VTI1A: variants seen among roughly 807,000 people sequenced by gnomAD.
VTI1A encodes the protein vesicle transport through interaction with t-SNAREs homolog 1A.
In VTI1A, 22 loss-of-function variants were observed where a neutral mutation model predicts 34.9. The observed-to-expected ratio is 0.63, with a 90% CI of 0.45 to 0.90. The LOEUF is 0.90. Ranked by LOEUF, VTI1A falls within the 40% of genes least tolerant of loss-of-function variation. The pLI, the probability that VTI1A is intolerant of heterozygous loss-of-function variation, is 0.00. For missense variants in VTI1A, 268 were observed against 275.6 expected, an observed-to-expected ratio of 0.97 and a Z score of 0.20; for synonymous variants, 87 against 97.3, an observed-to-expected ratio of 0.89 and a Z score of 0.62.
chr10:112,599,920 A>G (rs1844819356), intron 5 of VTI1A, among the ~76,000 whole-genome samples: 1 of 152,188 alleles, frequency 6.6e-6, no homozygotes, highest in Non-Finnish European at 1.5e-5. Context: ...ATAACGTTCC[A>G]ACTCCGGGCA....
intron 7 of VTI1A, among the ~76,000 whole-genome samples, chr10:112,676,985 G>C (rs1293309284): frequency 6.6e-6 from 1 of 152,142 alleles, no homozygotes; most frequent in Non-Finnish European, 1.5e-5. Flanking sequence ...TCTCAGTACA[G>C]CCATTGAATA....
At position 112,644,168 on chromosome 10, in the gene VTI1A, A is replaced by G. The variant is rs865930947; in HGVS notation, c.428-24050A>G. ...GTAGTTTGTTTTCATTGCATCTGCA[A>G]GAAACATATATATTAGAGTAGAATT... On this transcript the variant is annotated intron_variant, in intron 5 of 7. Transcript: ENST00000393077. 2.0e-5 allele frequency among the ~76,000 whole-genome samples: 3 copies of G among 152,360 alleles called. No homozygotes were observed. In the Middle Eastern group the frequency reaches 0.01, roughly 518 times the overall value.
At chr10:112,693,363 A>C (rs946710172) in intron 7 of VTI1A, among the ~76,000 whole-genome samples, 6 of 152,122 alleles carry the variant, frequency 3.9e-5, no homozygotes, top group Non-Finnish European at 8.8e-5. Context: ...CCTGGCCAGC[A>C]TGGTGAAACC....
the VTI1A span, among the ~76,000 whole-genome samples, chr10:112,852,352 G>A: frequency 6.6e-6 from 1 of 152,158 alleles, no homozygotes; most frequent in South Asian, 2.1e-4. Context: ...CGTTGAGAAA[G>A]CCACAGGCCC....
At chr10:112,809,282 C>A (rs1285161156) in intron 7 of VTI1A, among the ~76,000 whole-genome samples, 1 of 152,244 alleles carries the variant, frequency 6.6e-6, no homozygotes, top group Non-Finnish European at 1.5e-5. Flanking sequence ...GTTTCTCCTA[C>A]TCCTGTTTTC....
At chr10:112,754,516 G>A (rs564663957) in intron 7 of VTI1A, among the ~76,000 whole-genome samples, 1 of 152,202 alleles carries the variant, frequency 6.6e-6, no homozygotes, top group South Asian at 2.1e-4. Flanking sequence ...AAAAGTTCAC[G>A]ACACAGTAAT....
chr10:112,539,767 A>T (rs934091580), intron 5 of VTI1A, among the ~76,000 whole-genome samples: 4 of 152,192 alleles, frequency 2.6e-5, no homozygotes, highest in Non-Finnish European at 4.4e-5. Context: ...CTTAAGAAAA[A>T]ATGGTACATG....
chr10:112,803,426 C>G (rs1239543802), intron 7 of VTI1A, among the ~76,000 whole-genome samples: 2 of 152,180 alleles, frequency 1.3e-5, no homozygotes, highest in African/African-American at 4.8e-5. Flanking sequence ...GGTGGGGCCA[C>G]TGATGGATTT....
chr10:112,599,039 T>TTG (rs1356426462), intron 5 of VTI1A, among the ~76,000 whole-genome samples: 1 of 152,172 alleles, frequency 6.6e-6, no homozygotes, highest in Non-Finnish European at 1.5e-5. Context: ...CTCCAAAACA[T>TTG]ACCAGTCCGT....
chr10:112,501,478 CAAAAAGAAA>C (rs1261845536), intron 3 of VTI1A, among the ~76,000 whole-genome samples: 1 of 151,812 alleles, frequency 6.6e-6, no homozygotes, highest in Non-Finnish European at 1.5e-5. Flanking sequence ...AAAAAATGAA[CAAAAAGAAA>C]GAAATGAAAG....
chr10:112,561,520 C>G (rs1851725093), intron 5 of VTI1A, among the ~76,000 whole-genome samples: 2 of 152,138 alleles, frequency 1.3e-5, no homozygotes, highest in African/African-American at 4.8e-5. Context: ...AGTAAAATCT[C>G]TTTGGTTGCC....
intron 7 of VTI1A, among the ~76,000 whole-genome samples, chr10:112,709,752 G>A (rs1259110066): frequency 3.7e-5 from 5 of 136,016 alleles, no homozygotes; most frequent in African/African-American, 8.7e-5. Flanking sequence ...ATGCAGTGGC[G>A]CAGTCTTGGC....
chr10:112,742,444 C>A (rs1184986390), intron 7 of VTI1A, among the ~76,000 whole-genome samples: 3 of 152,178 alleles, frequency 2.0e-5, no homozygotes, highest in African/African-American at 4.8e-5. Context: ...GCCTGAAACT[C>A]AGCTTTGAGA....
the VTI1A span, among the ~76,000 whole-genome samples, chr10:112,841,956 T>A: frequency 6.6e-6 from 1 of 151,018 alleles, no homozygotes; most frequent in Non-Finnish European, 1.5e-5. Context: ...AGAGAATGAT[T>A]ACAAAAAGCA....
intron 5 of VTI1A, among the ~76,000 whole-genome samples, chr10:112,587,448 G>A (rs530543856): frequency 2.8e-4 from 42 of 152,152 alleles, no homozygotes; most frequent in Non-Finnish European, 5.4e-4. Context: ...CTAAGAGAAA[G>A]TAATTGGAAA....
the VTI1A span, chr10:112,823,866 T>C: frequency 6.6e-6 from 1 of 152,200 alleles, no homozygotes; most frequent in Non-Finnish European, 1.5e-5. Flanking sequence ...GAGCTCAGAT[T>C]TATAAAACTT....
intron 5 of VTI1A, among the ~76,000 whole-genome samples, chr10:112,597,291 C>T (rs927900671): frequency 1.3e-5 from 2 of 152,178 alleles, no homozygotes; most frequent in East Asian, 3.9e-4. Flanking sequence ...GGTCTCGGCT[C>T]ATCGCCACCT....
At chr10:112,850,095 G>C in the VTI1A span, among the ~76,000 whole-genome samples, 138 of 152,318 alleles carry the variant, frequency 9.1e-4, no homozygotes, top group Non-Finnish European at 1.5e-3. Flanking sequence ...AAAGAGTTGG[G>C]AGGGTTTTTC....
chr10:112,664,831 G>T (rs975126463), intron 5 of VTI1A, among the ~76,000 whole-genome samples: 1 of 152,120 alleles, frequency 6.6e-6, no homozygotes, highest in Non-Finnish European at 1.5e-5. Flanking sequence ...GTAGAGGAAG[G>T]AGCTCTTCCT....
Sources: allele counts gnomAD v4.1 joint callset (sites outside exome capture counted in the v4.1 genomes callset), GRCh38; gene constraint gnomAD v4.1.1; transcripts MANE v1.5; gene names NCBI Gene and HGNC (gene_info 2026-07-23, HGNC 2026-07-21).